XKR9: variants seen among roughly 807,000 people sequenced by gnomAD.
XKR9 encodes XK-related protein 9.
A neutral mutation model predicts 32.0 loss-of-function variants in XKR9; 32 were observed. The ratio of observed to expected loss-of-function variants is 1.00; its 90% CI spans 0.76 to 1.34. XKR9 has a LOEUF of 1.34. XKR9 is among the 40% of genes most tolerant of loss of function. The pLI is 0.00. For synonymous variants in XKR9, 168 were observed against 143.4 expected (o/e 1.17, Z -1.22); for missense variants, 546 against 429.7 (o/e 1.27, Z -2.39).
At chr8:70,719,373 T>A (rs185951316) in intron 4 of XKR9, among the ~76,000 whole-genome samples, 124 of 152,272 alleles carry the variant, frequency 8.1e-4, no homozygotes, top group African/African-American at 3.0e-3. Context: ...TCATGAAGAC[T>A]TTGCCCATGC....
chr8:71,038,320 CTTTG>C, the XKR9 span, among the ~76,000 whole-genome samples: 1 of 134,576 alleles, frequency 7.4e-6, no homozygotes, highest in Non-Finnish European at 1.6e-5. Flanking sequence ...TTTCTTTCCT[CTTTG>C]TTTTTTTTTT....
chr8:70,727,291 A>G (rs992428774), intron 4 of XKR9, among the ~76,000 whole-genome samples: 9 of 151,546 alleles, frequency 5.9e-5, no homozygotes, highest in African/African-American at 2.2e-4. Context: ...GGAAAATTAT[A>G]TTTTAACTAA....
the XKR9 span, among the ~76,000 whole-genome samples, chr8:70,813,470 A>G: frequency 6.6e-6 from 1 of 152,248 alleles, no homozygotes; most frequent in African/African-American, 2.4e-5. Context: ...GAGCTTCTGC[A>G]CAGCAAAAGA....
At chr8:71,056,141 T>A in the XKR9 span, among the ~76,000 whole-genome samples, 1 of 152,194 alleles carries the variant, frequency 6.6e-6, no homozygotes, top group African/African-American at 2.4e-5. Flanking sequence ...CTTAGCCAAT[T>A]TGGAAGATTT....
At chr8:70,779,948 A>C (rs1375960192) in intron 2 of XKR9, among the ~76,000 whole-genome samples, 2 of 151,624 alleles carry the variant, frequency 1.3e-5, no homozygotes, top group Non-Finnish European at 2.9e-5. Context: ...TTGTGTCTCT[A>C]TCTCCTTTAG....
At chr8:70,987,401 C>T in the XKR9 span, among the ~76,000 whole-genome samples, 9 of 152,268 alleles carry the variant, frequency 5.9e-5, no homozygotes, top group South Asian at 2.1e-4. Flanking sequence ...TACAACTGTT[C>T]GAAATGGGAG....
chr8:70,880,967 C>T, the XKR9 span, among the ~76,000 whole-genome samples: 1 of 152,276 alleles, frequency 6.6e-6, no homozygotes, highest in African/African-American at 2.4e-5. Flanking sequence ...AATAACATCA[C>T]TCATCTACAG....
chr8:70,997,326 C>G, the XKR9 span, among the ~76,000 whole-genome samples: 1 of 151,634 alleles, frequency 6.6e-6, no homozygotes, highest in Non-Finnish European at 1.5e-5. Context: ...AAAACCAAAA[C>G]CCCCCCGCAC....
downstream of XKR9, among the ~76,000 whole-genome samples, chr8:70,792,042 C>T (rs2130272510): frequency 1.3e-5 from 2 of 152,164 alleles, no homozygotes; most frequent in African/African-American, 4.8e-5. Context: ...TCTGTCCAAG[C>T]CTGTCCTTAA....
intron 2 of XKR9, among the ~76,000 whole-genome samples, chr8:70,766,905 A>T (rs539180370): frequency 8.7e-4 from 133 of 152,196 alleles, no homozygotes; most frequent in Middle Eastern, 3.4e-3. Context: ...ATGTTTATTG[A>T]TTTGTGTATG....
the XKR9 span, among the ~76,000 whole-genome samples, chr8:70,976,071 G>C: frequency 6.6e-6 from 1 of 152,196 alleles, no homozygotes. Context: ...AAGAATGCTT[G>C]TGATTTTTGC....
intron 2 of XKR9, among the ~76,000 whole-genome samples, chr8:70,772,024 C>T (rs1447612369): frequency 6.6e-6 from 1 of 152,112 alleles, no homozygotes; most frequent in African/African-American, 2.4e-5. Context: ...ATGTGTAATA[C>T]ACTTTTGAAT....
the XKR9 span, among the ~76,000 whole-genome samples, chr8:70,927,051 T>C: frequency 1.3e-3 from 192 of 151,768 alleles, 1 homozygote; most frequent in African/African-American, 4.4e-3. Flanking sequence ...ATGTATAAGA[T>C]ACATTTTATA....
At chr8:70,936,047 A>G in the XKR9 span, among the ~76,000 whole-genome samples, 1 of 152,020 alleles carries the variant, frequency 6.6e-6, no homozygotes, top group Non-Finnish European at 1.5e-5. Context: ...TTGGTGGATA[A>G]GAAACTGAAA....
At chr8:70,774,528 CTCTA>C (rs1251000930) in intron 2 of XKR9, among the ~76,000 whole-genome samples, 1 of 152,242 alleles carries the variant, frequency 6.6e-6, no homozygotes, top group East Asian at 1.9e-4. Flanking sequence ...CTTCTGGAAG[CTCTA>C]TATATTCAAC....
chr8:70,720,612 C>T (rs926199608), intron 4 of XKR9, among the ~76,000 whole-genome samples: 2 of 152,116 alleles, frequency 1.3e-5, no homozygotes, highest in East Asian at 3.9e-4. Context: ...TATTGATTTG[C>T]GTATGTTGAA....
At chr8:70,820,370 G>T in the XKR9 span, among the ~76,000 whole-genome samples, 1 of 152,152 alleles carries the variant, frequency 6.6e-6, no homozygotes, top group Non-Finnish European at 1.5e-5. Flanking sequence ...TTTGGATCAT[G>T]GTCCTGCAAA....
chr8:70,888,113 T>G, the XKR9 span, among the ~76,000 whole-genome samples: 44 of 152,138 alleles, frequency 2.9e-4, 1 homozygote, highest in Non-Finnish European at 1.5e-5. Context: ...ATACAATAAT[T>G]GTATCACACT....
At chr8:70,928,252 C>T in the XKR9 span, among the ~76,000 whole-genome samples, 2 of 152,048 alleles carry the variant, frequency 1.3e-5, no homozygotes, top group African/African-American at 4.8e-5. Context: ...GCTCTGTTGC[C>T]CAGGCTGGCA....
Sources: gnomAD v4.1 joint callset for allele counts (sites outside exome capture counted in the v4.1 genomes callset) on GRCh38, gnomAD v4.1.1 for gene constraint, MANE v1.5 for transcripts, NCBI Gene and HGNC (gene_info 2026-07-23, HGNC 2026-07-21) for gene names.